CNTN1: variants seen among roughly 807,000 people sequenced by gnomAD.
The protein encoded by CNTN1 is contactin-1.
In CNTN1, 38 loss-of-function variants were observed where a neutral mutation model predicts 126.4. That is an observed-to-expected ratio of 0.30 (90% CI 0.23 to 0.39). The LOEUF is 0.39. CNTN1 is among the 10% of genes least tolerant of loss of function. The pLI, the probability that CNTN1 is intolerant of heterozygous loss-of-function variation, is 1.00. For synonymous variants in CNTN1, 413 were observed against 422.6 expected (o/e 0.98, Z 0.28); for missense variants, 1,009 against 1,248.4 (o/e 0.81, Z 2.89).
intron 1 of CNTN1, among the ~76,000 whole-genome samples, chr12:40,796,211 A>G (rs916903622): frequency 1.3e-5 from 2 of 152,056 alleles, no homozygotes; most frequent in Non-Finnish European, 2.9e-5. Context: ...CTACTGGCTT[A>G]ACCACTAAGA....
At chr12:40,709,792 T>C (rs949716059) in intron 1 of CNTN1, among the ~76,000 whole-genome samples, 3 of 152,174 alleles carry the variant, frequency 2.0e-5, no homozygotes, top group African/African-American at 7.2e-5. Flanking sequence ...ATTCATACAA[T>C]GGAAGAGAGT....
intron 1 of CNTN1, among the ~76,000 whole-genome samples, chr12:40,904,464 T>G (rs1032822164): frequency 2.0e-5 from 3 of 151,342 alleles, no homozygotes; most frequent in African/African-American, 7.3e-5. Context: ...AGTTTCACTC[T>G]GTCACCCAGG....
At chr12:40,775,703 A>G (rs1462337696) in intron 1 of CNTN1, among the ~76,000 whole-genome samples, 1 of 151,688 alleles carries the variant, frequency 6.6e-6, no homozygotes. Flanking sequence ...GACAGTAGAA[A>G]GACAGAGTTA....
intron 21 of CNTN1, among the ~76,000 whole-genome samples, chr12:41,025,585 T>C (rs1949020244): frequency 6.6e-6 from 1 of 152,326 alleles, no homozygotes. Context: ...GTAAAGGCTG[T>C]CCTCTCAAAT....
intron 1 of CNTN1, among the ~76,000 whole-genome samples, chr12:40,722,065 G>A (rs1000481461): frequency 2.6e-5 from 4 of 152,096 alleles, no homozygotes; most frequent in South Asian, 2.1e-4. Flanking sequence ...GGTTTGAGCC[G>A]TGGGGAACAA....
intron 1 of CNTN1, among the ~76,000 whole-genome samples, chr12:40,904,521 T>C (rs1376389056): frequency 1.3e-5 from 2 of 151,936 alleles, no homozygotes; most frequent in Non-Finnish European, 2.9e-5. Flanking sequence ...CTCCAGCTCC[T>C]GGGTTCAAGC....
chr12:41,019,894 A>G (rs927688464), intron 19 of CNTN1, among the ~76,000 whole-genome samples: 9 of 152,132 alleles, frequency 5.9e-5, no homozygotes, highest in Admixed American at 1.3e-4. Flanking sequence ...TATAATTCCA[A>G]ATTTCCTATT....
chr12:40,980,008 A>G (rs932591685), intron 15 of CNTN1, among the ~76,000 whole-genome samples: 3 of 152,212 alleles, frequency 2.0e-5, no homozygotes, highest in African/African-American at 7.2e-5. Flanking sequence ...ATATAAGTAG[A>G]AACATTTTTA....
intron 1 of CNTN1, among the ~76,000 whole-genome samples, chr12:40,758,442 A>T (rs548040874): frequency 6.6e-6 from 1 of 152,200 alleles, no homozygotes; most frequent in Non-Finnish European, 1.5e-5. Flanking sequence ...AAAATTACTG[A>T]GACAATAATT....
At chr12:41,006,949 C>A (rs1948507483) in intron 17 of CNTN1, among the ~76,000 whole-genome samples, 1 of 149,120 alleles carries the variant, frequency 6.7e-6, no homozygotes, top group Admixed American at 6.7e-5. Context: ...CAATAAGGTA[C>A]AGTGCTTACC....
At chr12:40,901,515 T>C (rs1423708375) in intron 1 of CNTN1, among the ~76,000 whole-genome samples, 1 of 152,176 alleles carries the variant, frequency 6.6e-6, no homozygotes, top group Non-Finnish European at 1.5e-5. Context: ...TCAAGAATTA[T>C]TGTAGTAAGT....
intron 1 of CNTN1, among the ~76,000 whole-genome samples, chr12:40,756,228 G>A (rs1291642482): frequency 3.3e-5 from 5 of 152,018 alleles, no homozygotes; most frequent in African/African-American, 1.2e-4. Context: ...CAGGTAGTAG[G>A]ATCTATGGAT....
intron 1 of CNTN1, among the ~76,000 whole-genome samples, chr12:40,742,047 C>A (rs973512534): frequency 6.6e-6 from 1 of 151,926 alleles, no homozygotes; most frequent in African/African-American, 2.4e-5. Flanking sequence ...AGACAAAACT[C>A]CTTCTATTTA....
chr12:40,856,452 A>C (rs1260608267), intron 1 of CNTN1, among the ~76,000 whole-genome samples: 1 of 152,104 alleles, frequency 6.6e-6, no homozygotes, highest in African/African-American at 2.4e-5. Flanking sequence ...AGGGAAATAG[A>C]ATGATTTGCC....
intron 2 of CNTN1, 96 bp from the exon 3 acceptor site, chr12:40,909,977 T>C: frequency 1.1e-6 from 1 of 907,150 alleles, no homozygotes; most frequent in South Asian, 1.3e-5. Context: ...ACTACTCTCA[T>C]TCCATTGTCT....
intron 1 of CNTN1, among the ~76,000 whole-genome samples, chr12:40,888,364 A>G (rs1352946461): frequency 6.6e-6 from 1 of 152,168 alleles, no homozygotes; most frequent in East Asian, 1.9e-4. Flanking sequence ...TTCTCAAAAA[A>G]CAATAACTAA....
chr12:40,984,349 C>T lies in CNTN1; in HGVS notation c.1963+3282C>T, dbSNP rs191609714. On this transcript the variant is annotated intron_variant, in intron 16 of 23. Transcript: ENST00000551295. ...ATTGCTATAAAGAAATATCTGAGGC[C>T]GGGTGATTTTGAAAGAAAAGAGTTT... Among the ~76,000 whole-genome samples, 599 of 152,000 alleles carry T rather than the reference C, an allele frequency of 3.9e-3. 1 individual carries two copies. Among genetic ancestry groups the T allele is most frequent in the Non-Finnish European group, 6.7e-3 (457 of 67,984 alleles).
At chr12:41,038,123 G>A (rs1241070884) in intron 23 of CNTN1, among the ~76,000 whole-genome samples, 4 of 152,038 alleles carry the variant, frequency 2.6e-5, no homozygotes, top group Admixed American at 6.6e-5. Context: ...GCCACCACAT[G>A]CTAGCCTGGG....
At chr12:40,938,768 T>A (rs1028607320) in intron 11 of CNTN1, among the ~76,000 whole-genome samples, 1 of 152,130 alleles carries the variant, frequency 6.6e-6, no homozygotes, top group African/African-American at 2.4e-5. Flanking sequence ...AAACATTTGA[T>A]TGAAATTGAA....
Sources: allele counts gnomAD v4.1 joint callset (sites outside exome capture counted in the v4.1 genomes callset), GRCh38; gene constraint gnomAD v4.1.1; transcripts MANE v1.5; gene names NCBI Gene and HGNC (gene_info 2026-07-23, HGNC 2026-07-21).